Variants in GRK4 observed in about 807,000 individuals in gnomAD.
The protein encoded by GRK4 is G protein-coupled receptor kinase 4, also known as G protein-coupled receptor kinase 2-like.
In GRK4, 73 loss-of-function variants were observed where a neutral mutation model predicts 77.9. The observed-to-expected ratio is 0.94, with a 90% confidence interval of 0.78 to 1.14. The LOEUF (loss-of-function observed/expected upper bound fraction) is 1.14. Among genes scored for constraint, GRK4 ranks in the 50% most tolerant of loss-of-function variants. The probability of loss-of-function intolerance (pLI) is 0.00; values close to 1 mark genes in which losing one functional copy is unlikely to be tolerated. For missense variants in GRK4, 729 were observed against 700.2 expected (o/e 1.04, Z -0.46); for synonymous variants, 257 against 254.4 (o/e 1.01, Z -0.10).
rs113382194 is a variant in GRK4 at position 2,969,379 on chromosome 4, C to CTT, written c.52+5271_52+5272dup. The stretch of plus-strand genomic sequence containing the variant: ...TTTCTTTTCTTTCTTTCTTTCTTTT[C>CTT]TTTTTTTTTTTTTTTAAAGAGAGTT... On this transcript the variant is annotated intron_variant, in intron 1 of 15. Transcript: ENST00000398052. The CTT allele has an allele frequency of 2.1e-3, 291 of 139,022 alleles. 1 individual carries two copies. Among genetic ancestry groups the CTT allele is most frequent in the African/African-American group, 4.4e-3 (165 of 37,344 alleles). 8.6% of individuals were successfully genotyped at this position (139,022 alleles called of 1,614,324 possible).
rs13120295 is a variant in GRK4 at position 2,963,884 on chromosome 4, G to C, written c.-187G>C. On this transcript the variant is annotated 5_prime_UTR_variant, in exon 1 of 16. Coordinates refer to ENST00000398052, the MANE Select transcript of GRK4 (RefSeq NM_182982.3). ...GCTCCCCTGCTGGTGAGGGCCTGCG[G>C]AGGCGGCGGCGGCGGCGCCCTTGGT... The C allele has an allele frequency of 0.37, 242,697 of 653,948 alleles. 47,803 individuals carry two copies. Among genetic ancestry groups the C allele is most frequent in the African/African-American group, 0.52 (28,207 of 54,230 alleles). The allele number at this position is 653,948 out of a possible 1,614,324, so 40.5% of individuals were successfully genotyped here.
chr4:2,998,687 G>T (rs1317856705), intron 4 of GRK4, among the ~76,000 whole-genome samples: 5 of 151,970 alleles, frequency 3.3e-5, no homozygotes. Context: ...CTGAAAACTA[G>T]AAAGCACTGA....
chr4:2,986,777 T>C (rs149804390), intron 2 of GRK4: 245 of 301,418 alleles, frequency 8.1e-4, no homozygotes, highest in African/African-American at 5.2e-3. Context: ...TCCAAGATTA[T>C]TTTTACAAAC....
At position 3,019,845 on chromosome 4, in the gene GRK4, T is replaced by C; in HGVS notation, c.932+14T>C. On this transcript the variant is annotated intron_variant, in intron 9 of 15. Transcript: ENST00000398052. Reference sequence around the variant, plus strand: ...AATTGTATACAGGTAAGAACGGTGCTACCTAATGGAGCCTGCAAGTCTTGG... The same window carrying C: ...AATTGTATACAGGTAAGAACGGTGCCACCTAATGGAGCCTGCAAGTCTTGG... 1 of 1,596,522 alleles carries C rather than the reference T, an allele frequency of 6.3e-7. No individual in the cohort carries two copies. The highest frequency in any genetic ancestry group is 8.6e-7 in the Non-Finnish European group (1 of 1,168,472).
At chr4:3,018,033 T>TA (rs113983871) in intron 8 of GRK4, among the ~76,000 whole-genome samples, 2,018 of 150,492 alleles carry the variant, frequency 0.013, 23 homozygotes, top group African/African-American at 0.033. Context: ...GAAAAAAGGT[T>TA]AAAAAAAAGC....
chr4:2,968,330 C>T (rs547171001), intron 1 of GRK4, among the ~76,000 whole-genome samples: 7 of 152,234 alleles, frequency 4.6e-5, no homozygotes, highest in South Asian at 2.1e-4. Context: ...TTTCAGGCTG[C>T]GGTGTTATTG....
chr4:3,017,753 A>G (rs1451277270), intron 8 of GRK4, among the ~76,000 whole-genome samples: 1 of 152,238 alleles, frequency 6.6e-6, no homozygotes, highest in Non-Finnish European at 1.5e-5. Context: ...CCATATGGTC[A>G]TCTCAACAGC....
intron 8 of GRK4, 44 bp downstream of exon 8, chr4:3,013,872 T>C: frequency 6.5e-7 from 1 of 1,546,572 alleles, no homozygotes. Flanking sequence ...GTTTGATTCA[T>C]AGCACTTTTG....
rs138161585 is a variant in GRK4 at position 3,037,443 on chromosome 4, G to A, written c.1477G>A (p.Asp493Asn). 5.3e-5 allele frequency: 86 copies of A among 1,608,932 alleles called. 1 individual carries two copies. The East Asian group carries it at 1.5e-3, about 28-fold the overall frequency. Residue 493 changes from aspartate to asparagine, a missense_variant, in exon 14 of 16, where the codon GAC (aspartate) becomes AAC (asparagine). Transcript: ENST00000398052. ...CTCGGTGGTGAAAGGGATCTACCTG[G>A]ACACCGCAGATGAAGACTTCTATGC... ...QFSVVKGIYL[D>N]TADEDFYARF...
In GRK4 at chr4:3,039,692, C is replaced by G. The variant is rs946718742; in HGVS notation, c.1684-880C>G. ...CAGCCTGGGTGACAAGAGTGAAACT[C>G]TGTCTTAAAAAAAAAAAAAAAAAAA... On this transcript the variant is annotated intron_variant, in intron 15 of 15. Transcript: ENST00000398052. Among the ~76,000 whole-genome samples the G allele has an allele frequency of 5.3e-5, 6 of 113,484 alleles. No individual in the cohort carries two copies. The East Asian group carries it at 1.5e-3, about 29-fold the overall frequency. The allele number at this position is 113,484 out of a possible 152,430, so 74.4% of individuals were successfully genotyped here.
intron 5 of GRK4, among the ~76,000 whole-genome samples, chr4:3,005,684 A>G (rs1371035402): frequency 6.6e-6 from 1 of 152,060 alleles, no homozygotes; most frequent in Non-Finnish European, 1.5e-5. Flanking sequence ...TGCGCCTGTA[A>G]TCCCAGCTAC....
At chr4:3,001,205 G>A (rs989793017) in intron 4 of GRK4, among the ~76,000 whole-genome samples, 2 of 134,266 alleles carry the variant, frequency 1.5e-5, no homozygotes, top group East Asian at 2.0e-4. Context: ...GTATATATGT[G>A]TATGTGTATA....
At chr4:3,019,593 A>T (rs761653747) in intron 8 of GRK4, 48 bp from the exon 9 acceptor site, 1 of 1,455,498 alleles carries the variant, frequency 6.9e-7, no homozygotes, top group South Asian at 1.3e-5. Context: ...GAAATCACCA[A>T]TGAAAGAGCA....
At chr4:3,009,510 C>A (rs980716548) in intron 6 of GRK4, 138 bp from the exon 7 acceptor site, 1 of 601,484 alleles carries the variant, frequency 1.7e-6, no homozygotes, top group Non-Finnish European at 3.0e-6. Context: ...TCCCTGAGCA[C>A]AGACACCCTT....
At chr4:3,002,673 A>C (rs1275967776) in intron 4 of GRK4, among the ~76,000 whole-genome samples, 1 of 152,068 alleles carries the variant, frequency 6.6e-6, no homozygotes, top group Non-Finnish European at 1.5e-5. Context: ...ACTGCACTCC[A>C]GCCTGGACCA....
chr4:2,983,729 T>C (rs1046554647), intron 1 of GRK4, among the ~76,000 whole-genome samples: 1 of 152,196 alleles, frequency 6.6e-6, no homozygotes, highest in Non-Finnish European at 1.5e-5. Context: ...TGTCTCCCTG[T>C]ATTAGTCCAT....
intron 8 of GRK4, among the ~76,000 whole-genome samples, chr4:3,015,445 G>A (rs1383332261): frequency 6.6e-6 from 1 of 152,072 alleles, no homozygotes; most frequent in African/African-American, 2.4e-5. Flanking sequence ...CAGCACTTTG[G>A]GAGGCCGAGG....
intron 1 of GRK4, chr4:2,965,805 T>C (rs1026879519): frequency 3.3e-6 from 1 of 306,784 alleles, no homozygotes; most frequent in Non-Finnish European, 6.3e-6. Flanking sequence ...AATCAGGGAG[T>C]CCCAGAGCAG....
intron 11 of GRK4, among the ~76,000 whole-genome samples, chr4:3,028,258 A>G (rs1226974317): frequency 6.6e-6 from 1 of 152,188 alleles, no homozygotes; most frequent in Admixed American, 6.5e-5. Context: ...AAGTGAGGGC[A>G]GAATCGGGAT....
Sources: gnomAD v4.1 joint callset for allele counts (sites outside exome capture counted in the v4.1 genomes callset) on GRCh38, gnomAD v4.1.1 for gene constraint, MANE v1.5 for transcripts, NCBI Gene and HGNC (gene_info 2026-07-23, HGNC 2026-07-21) for gene names.